The following XRCC5 variants were observed in gnomAD, a reference collection of about 807,000 sequenced individuals.
The protein encoded by XRCC5 is X-ray repair cross complementing 5.
In XRCC5, 12 loss-of-function variants were observed where a neutral mutation model predicts 95.7. The ratio of observed to expected loss-of-function variants is 0.13; its 90% CI spans 0.08 to 0.20. XRCC5 has a LOEUF of 0.20. XRCC5 is among the 10% of genes least tolerant of loss of function. The pLI, the probability that XRCC5 is intolerant of heterozygous loss-of-function variation, is 1.00. For synonymous variants in XRCC5, 281 were observed against 290.3 expected (o/e 0.97, Z 0.33); for missense variants, 595 against 873.9 (o/e 0.68, Z 4.02).
chr2:216,172,469 C>CTTTTTTTTTTTTTTT lies in XRCC5; in HGVS notation c.1834+10424_1834+10438dup, dbSNP rs746493174. On this transcript the variant is annotated intron_variant, in intron 16 of 20. Coordinates refer to ENST00000392132, the MANE Select transcript of XRCC5 (RefSeq NM_021141.4). ...AAACTTTAGCATCAGCTTTTCTTTTCTTTTTTTTTTTTTTTTTGAGACAAA... is the reference window on the plus strand; with the variant it reads ...AAACTTTAGCATCAGCTTTTCTTTTCTTTTTTTTTTTTTTTTTTTTTTTTTTTTTTTTGAGACAAA... Among the ~76,000 whole-genome samples, 330 of 107,690 alleles carry CTTTTTTTTTTTTTTT rather than the reference C, an allele frequency of 3.1e-3. 31 individuals carry two copies. The highest frequency in any genetic ancestry group is 9.0e-3 in the South Asian group (25 of 2,772). 70.6% of individuals were successfully genotyped at this position (107,690 alleles called of 152,430 possible).
chr2:216,175,917 A>G (rs1160133436), intron 16 of XRCC5: 1 of 389,258 alleles, frequency 2.6e-6, no homozygotes, highest in Non-Finnish European at 4.9e-6. Context: ...CCAATAAACA[A>G]TTTTCTCAGC....
chr2:216,183,324 T>A (rs1164539296), intron 16 of XRCC5, among the ~76,000 whole-genome samples: 1 of 152,044 alleles, frequency 6.6e-6, no homozygotes, highest in Non-Finnish European at 1.5e-5. Flanking sequence ...ATTTAACACA[T>A]CAATGAAAAG....
At chr2:216,187,858 CT>C (rs150750597) in intron 16 of XRCC5, among the ~76,000 whole-genome samples, 1,450 of 114,368 alleles carry the variant, frequency 0.013, 40 homozygotes, top group East Asian at 0.021. Flanking sequence ...CTCTCTCTCT[CT>C]CTCCCCGTCT....
In XRCC5 at chr2:216,205,451, T is replaced by A. The variant is rs1269409252; in HGVS notation, c.*249T>A. ...TTTCTGGTTGGTGTATTATTTTTTC[T>A]GTGGTCTTACTGATCTTTGTATATT... On this transcript the variant is annotated 3_prime_UTR_variant, in exon 21 of 21. Coordinates refer to ENST00000392132, the MANE Select transcript of XRCC5 (RefSeq NM_021141.4). 3.7e-6 allele frequency: 2 copies of A among 534,114 alleles called. No individual in the cohort carries two copies. The highest frequency in any genetic ancestry group is 6.2e-5 in the East Asian group (2 of 32,332). The allele number at this position is 534,114 out of a possible 1,614,324, so 33.1% of individuals were successfully genotyped here.
At chr2:216,156,625 A>T in intron 14 of XRCC5, 1 of 562,038 alleles carries the variant, frequency 1.8e-6, no homozygotes, top group Non-Finnish European at 3.6e-6. Flanking sequence ...TCTTTGCATC[A>T]TCTGCCTACA....
chr2:216,137,052 T>C, intron 10 of XRCC5, 36 bp from the exon 11 acceptor site: 1 of 1,593,018 alleles, frequency 6.3e-7, no homozygotes, highest in Admixed American at 1.8e-5. Flanking sequence ...CTCTCACATG[T>C]TGAATATGTG....
chr2:216,138,069 CCCCCT>C lies in XRCC5; in HGVS notation c.1252-19_1252-15del. 1 of 1,567,932 alleles carries C rather than the reference CCCCCT, an allele frequency of 6.4e-7. No homozygotes were observed. The stretch of plus-strand genomic sequence containing the variant: ...ATTAATTTCATCGTTTCTGCTTTTA[CCCCCT>C]TTCTTTCTCATTAGTGTTTAGTGTA... On this transcript the variant is annotated splice_polypyrimidine_tract_variant and intron_variant, in intron 11 of 20. Coordinates refer to ENST00000392132, the MANE Select transcript of XRCC5 (RefSeq NM_021141.4).
chr2:216,188,348 A>T (rs1182837441), intron 16 of XRCC5, among the ~76,000 whole-genome samples: 1 of 152,370 alleles, frequency 6.6e-6, no homozygotes, highest in Non-Finnish European at 1.5e-5. Flanking sequence ...TATATGCATT[A>T]TATTCCCTAT....
At position 216,131,003 on chromosome 2, in the gene XRCC5, A is replaced by C. The variant is rs761234554; in HGVS notation, c.1050+16A>C. 7 of 1,585,332 alleles carry C rather than the reference A, an allele frequency of 4.4e-6. No individual in the cohort carries two copies. The East Asian group carries it at 1.3e-4, about 30-fold the overall frequency. ...ATCTTCTCAGGTATGATTGTGAACA[A>C]ACTAAATGAGCTTTTTCCTAGCTGT... On this transcript the variant is annotated intron_variant, in intron 9 of 20. Transcript: ENST00000392132.
At chr2:216,112,078 T>C (rs1254612015) in intron 1 of XRCC5, among the ~76,000 whole-genome samples, 1 of 152,262 alleles carries the variant, frequency 6.6e-6, no homozygotes, top group Admixed American at 6.5e-5. Context: ...ACTGAAATTG[T>C]GAGTTGCCAT....
intron 18 of XRCC5, among the ~76,000 whole-genome samples, chr2:216,194,173 A>C (rs545186015): frequency 1.3e-5 from 2 of 152,260 alleles, no homozygotes; most frequent in Admixed American, 1.3e-4. Flanking sequence ...CTTAACGTCC[A>C]TAGGTTCTTG....
chr2:216,116,958 T>C, intron 3 of XRCC5, 116 bp downstream of exon 3: 10 of 1,181,834 alleles, frequency 8.5e-6, no homozygotes, highest in Middle Eastern at 2.1e-4. Context: ...TATATTTTGC[T>C]CTGAGGAGGG....
At chr2:216,116,540 A>C in intron 2 of XRCC5, 119 bp from the exon 3 acceptor site, 2 of 1,075,414 alleles carry the variant, frequency 1.9e-6, no homozygotes, top group Non-Finnish European at 2.8e-6. Context: ...GCCCAATACT[A>C]TATGGCCCCA....
chr2:216,174,651 G>A (rs188827973), intron 16 of XRCC5, among the ~76,000 whole-genome samples: 5 of 152,234 alleles, frequency 3.3e-5, no homozygotes, highest in African/African-American at 1.2e-4. Flanking sequence ...ACGTCTAATC[G>A]ACACTATATT....
intron 14 of XRCC5, among the ~76,000 whole-genome samples, chr2:216,152,040 G>A (rs914772878): frequency 1.3e-5 from 2 of 152,174 alleles, no homozygotes; most frequent in Non-Finnish European, 2.9e-5. Context: ...CAGATCTCAT[G>A]AGAATTCACT....
chr2:216,119,969 T>G (rs189943968), intron 5 of XRCC5, among the ~76,000 whole-genome samples: 3 of 152,366 alleles, frequency 2.0e-5, no homozygotes, highest in Non-Finnish European at 4.4e-5. Flanking sequence ...TTTTTCAAAT[T>G]GAGAGCTATG....
chr2:216,159,974 CTTTTTTT>C, intron 14 of XRCC5, 87 bp from the exon 15 acceptor site: 2 of 481,850 alleles, frequency 4.2e-6, no homozygotes, highest in Non-Finnish European at 6.9e-6. Flanking sequence ...CTTCTTTTTT[CTTTTTTT>C]TTTTTGGTGC....
rs759984751 is a variant in XRCC5, at chr2:216,194,870, TG to T, written c.2042-45del. On this transcript the variant is annotated intron_variant, in intron 18 of 20. Coordinates refer to ENST00000392132, the MANE Select transcript of XRCC5 (RefSeq NM_021141.4). Reference sequence around the variant, plus strand: ...GGTGTGATGGAAACGAAAATGGGATTGGGGTTGATTCTTTGTGTTTTGATTT... The same window carrying T: ...GGTGTGATGGAAACGAAAATGGGATTGGGTTGATTCTTTGTGTTTTGATTT... 8 of 1,578,174 alleles carry T rather than the reference TG, an allele frequency of 5.1e-6. No homozygotes were observed. The African/African-American group carries it at 1.1e-4, about 21-fold the overall frequency.
intron 16 of XRCC5, among the ~76,000 whole-genome samples, chr2:216,177,573 T>G (rs1273365781): frequency 6.6e-6 from 1 of 152,156 alleles, no homozygotes; most frequent in African/African-American, 2.4e-5. Context: ...CTGGAAAAAT[T>G]GTGTAGATTT....
Sources: allele counts gnomAD v4.1 joint callset (sites outside exome capture counted in the v4.1 genomes callset), GRCh38; gene constraint gnomAD v4.1.1; transcripts MANE v1.5; gene names NCBI Gene and HGNC (gene_info 2026-07-23, HGNC 2026-07-21).